Variants in CARD8 observed in about 807,000 individuals in gnomAD.
CARD8 encodes caspase recruitment domain-containing protein 8.
In CARD8, 38 loss-of-function variants were observed where a neutral mutation model predicts 53.2. The ratio of observed to expected loss-of-function variants is 0.71; its 90% CI spans 0.55 to 0.94. The LOEUF (loss-of-function observed/expected upper bound fraction) is 0.94. Among genes scored for constraint, CARD8 ranks in the 40% least tolerant of loss-of-function variants. The pLI, the probability that CARD8 is intolerant of heterozygous loss-of-function variation, is 0.00. For synonymous variants in CARD8, 245 were observed against 244.9 expected (o/e 1.00, Z 0.00); for missense variants, 561 against 655.5 (o/e 0.86, Z 1.57).
rs2044329734 is a variant in CARD8, at chr19:48,238,528, T to C, written c.64A>G (p.Ser22Gly). ...SSEEELPRRD[S>G]GSSRNIDASK... ...GCATCTATGTTCCTACTGGATCCAC[T>C]GTCCCTGGGAAAACACAAATGGAAT... The change falls in exon 5 of 14, where the codon AGT becomes GGT. Residue 22 changes from serine to glycine, a missense_variant. Coordinates refer to ENST00000651546, the MANE Select transcript of CARD8 (RefSeq NM_001184900.3). 1 of 1,536,234 alleles carries C rather than the reference T, an allele frequency of 6.5e-7. No individual in the cohort carries two copies. Among genetic ancestry groups the C allele is most frequent in the Non-Finnish European group, 8.7e-7 (1 of 1,146,900 alleles).
chr19:48,223,926 G>C, intron 10 of CARD8: 1 of 455,264 alleles, frequency 2.2e-6, no homozygotes, highest in Non-Finnish European at 4.4e-6. Context: ...GGTTTCCCTG[G>C]AACAGTACTG....
intron 12 of CARD8, among the ~76,000 whole-genome samples, chr19:48,218,462 C>T (rs1187545922): frequency 6.7e-6 from 1 of 149,440 alleles, no homozygotes; most frequent in Non-Finnish European, 1.5e-5. Flanking sequence ...TCAGGTGATT[C>T]TCCTGCCTCA....
intron 12 of CARD8, among the ~76,000 whole-genome samples, chr19:48,215,607 T>C (rs983222363): frequency 2.2e-4 from 34 of 152,202 alleles, no homozygotes; most frequent in African/African-American, 8.2e-4. Flanking sequence ...TTCCAATTTC[T>C]TTCAACTTGC....
At position 48,211,896 on chromosome 19, in the gene CARD8, T is replaced by C. The variant is rs3745718; in HGVS notation, c.1428A>G (p.Gln476=). The change falls in exon 14 of 14, where the codon CAA becomes CAG. Residue 476 remains glutamine (Q), a synonymous_variant. Transcript: ENST00000651546. ...CATTCTCAGTAAGAACCTCATTGTCTTGGAGATCATCGAGCACCCCTTTCA... is the reference window on the plus strand; with the variant it reads ...CATTCTCAGTAAGAACCTCATTGTCCTGGAGATCATCGAGCACCCCTTTCA... ...GDLKGVLDDL[Q]DNEVLTENEK... is the part of the protein sequence containing the mutation. The C allele has an allele frequency of 0.53, 857,589 of 1,613,698 alleles. 233,365 individuals are homozygous for C. The highest frequency in any genetic ancestry group is 0.56 in the Non-Finnish European group (663,059 of 1,179,890).
chr19:48,242,379 A>C (rs62129799), intron 3 of CARD8, among the ~76,000 whole-genome samples: 24,273 of 151,848 alleles, frequency 0.16, 2,030 homozygotes, highest in East Asian at 0.32. Context: ...GAACTGTGAG[A>C]AATAAATTCT....
chr19:48,204,254 A>T (rs2037258423), downstream of CARD8: 2 of 452,672 alleles, frequency 4.4e-6, no homozygotes, highest in Admixed American at 4.7e-5. Flanking sequence ...CTGGAGTGGA[A>T]GGAGACGGGG....
rs569831121 is a variant in CARD8, at chr19:48,224,907, C to T, written c.1036-3052G>A. On this transcript the variant is annotated intron_variant, in intron 10 of 13. Coordinates refer to ENST00000651546, the MANE Select transcript of CARD8 (RefSeq NM_001184900.3). ...TAGCTGGGACTACAGGCACCTGCCA[C>T]CGTGCCCGGCTAATTGTTTGTATTG... Among the ~76,000 whole-genome samples the T allele has an allele frequency of 2.6e-5, 4 of 152,058 alleles. No individual in the cohort carries two copies. The South Asian group carries it at 8.3e-4, about 32-fold the overall frequency.
At chr19:48,232,113 G>T (rs2043016583) in intron 7 of CARD8, 2 of 545,134 alleles carry the variant, frequency 3.7e-6, no homozygotes, top group African/African-American at 3.8e-5. Context: ...CATTTCTACT[G>T]GTCCGAAATA....
chr19:48,224,431 TAATATGTGTATTAAAACTTA>T (rs1382462509), intron 10 of CARD8, among the ~76,000 whole-genome samples: 1 of 151,844 alleles, frequency 6.6e-6, no homozygotes, highest in Admixed American at 6.6e-5. Context: ...GTATGTGTAT[TAATATGTGTATTAAAACTTA>T]AATACTTAAG....
chr19:48,216,486 A>C (rs1445225617), intron 12 of CARD8, among the ~76,000 whole-genome samples: 1 of 152,302 alleles, frequency 6.6e-6, no homozygotes, highest in South Asian at 2.1e-4. Flanking sequence ...ATGAGATGCT[A>C]CTCATGTGGA....
At chr19:48,237,013 T>G (rs1443989153) in intron 5 of CARD8, among the ~76,000 whole-genome samples, 1 of 152,070 alleles carries the variant, frequency 6.6e-6, no homozygotes, top group Non-Finnish European at 1.5e-5. Flanking sequence ...CGACATCAGG[T>G]GGTCCGCCCC....
chr19:48,228,609 C>A (rs1197577979), intron 10 of CARD8, among the ~76,000 whole-genome samples: 1 of 152,038 alleles, frequency 6.6e-6, no homozygotes, highest in Non-Finnish European at 1.5e-5. Flanking sequence ...AGCTGTTGAT[C>A]CATTCATTGA....
At chr19:48,244,326 C>T (rs1337765516) in intron 3 of CARD8, among the ~76,000 whole-genome samples, 4 of 152,220 alleles carry the variant, frequency 2.6e-5, no homozygotes, top group African/African-American at 9.6e-5. Context: ...ATGAAAACTC[C>T]ATTTTCAGAA....
intron 10 of CARD8, among the ~76,000 whole-genome samples, chr19:48,225,379 T>C (rs1184043630): frequency 6.6e-6 from 1 of 152,054 alleles, no homozygotes; most frequent in Non-Finnish European, 1.5e-5. Context: ...TAGTCTCAGC[T>C]ACTCGGGACG....
chr19:48,240,931 A>G lies in CARD8; in HGVS notation c.59+31T>C, dbSNP rs1383760853. 3.3e-6 allele frequency: 5 copies of G among 1,510,222 alleles called. No individual in the cohort carries two copies. The Admixed American group carries it at 9.8e-5, about 30-fold the overall frequency. 93.6% of individuals were successfully genotyped at this position (1,510,222 alleles called of 1,614,324 possible). ...ACGAAACACAGAAGAATCAGCCATC[A>G]GGAGCCCTCACAGAGCGCAAAGTCA... On this transcript the variant is annotated intron_variant, in intron 4 of 13. Transcript: ENST00000651546.
At chr19:48,233,132 G>T (rs2043214664) in intron 6 of CARD8, 1 of 354,148 alleles carries the variant, frequency 2.8e-6, no homozygotes, top group Non-Finnish European at 5.5e-6. Context: ...TCAGAAGTCT[G>T]GAGGTGGCAC....
chr19:48,214,534 A>G (rs969328260), intron 13 of CARD8, among the ~76,000 whole-genome samples: 5 of 152,088 alleles, frequency 3.3e-5, no homozygotes, highest in South Asian at 2.1e-4. Context: ...GAGCATGCGT[A>G]TGACTCCAAG....
At chr19:48,247,303 GAC>G (rs2046285346) in intron 3 of CARD8, among the ~76,000 whole-genome samples, 1 of 152,090 alleles carries the variant, frequency 6.6e-6, no homozygotes, top group Non-Finnish European at 1.5e-5. Flanking sequence ...CAGCCTGGGT[GAC>G]ACAGCAAGAC....
At position 48,215,373 on chromosome 19, in the gene CARD8, G is replaced by A; in HGVS notation, c.1315C>T (p.Leu439Phe). ...GGAGGAGGGGCTGATGCAGCTACAA[G>A]CTGGAGATCCACTACAAAAGAGGGA... ...DTEVKPVDLQ[L>F]VAASAPPPFS... Residue 439 changes from leucine to phenylalanine, a missense_variant, in exon 13 of 14, where the codon CTT becomes TTT. Leu to Phe is a conservative substitution (Grantham distance 22). Transcript: ENST00000651546. The A allele has an allele frequency of 4.3e-6, 7 of 1,610,398 alleles. No homozygotes were observed. The highest frequency in any genetic ancestry group is 5.9e-6 in the Non-Finnish European group (7 of 1,176,860).
Sources: allele counts gnomAD v4.1 joint callset (sites outside exome capture counted in the v4.1 genomes callset), GRCh38; gene constraint gnomAD v4.1.1; transcripts MANE v1.5; gene names NCBI Gene and HGNC (gene_info 2026-07-23, HGNC 2026-07-21).